Variants in FBXL3 observed in about 807,000 individuals in gnomAD.
FBXL3 encodes the protein F-box/LRR-repeat protein 3.
In FBXL3, 14 loss-of-function variants were observed where a neutral mutation model predicts 37.9. The observed-to-expected ratio is 0.37, with a 90% CI of 0.24 to 0.58. FBXL3 has a LOEUF of 0.58. Among genes scored for constraint, FBXL3 ranks in the 20% least tolerant of loss-of-function variants. FBXL3 has a pLI of 0.74. For synonymous variants in FBXL3, 194 were observed against 180.1 expected (o/e 1.08, Z -0.62); for missense variants, 327 against 511.1 (o/e 0.64, Z 3.47).
At chr13:77,012,624 A>T (rs2034574651) in intron 4 of FBXL3, among the ~76,000 whole-genome samples, 1 of 152,234 alleles carries the variant, frequency 6.6e-6, no homozygotes, top group African/African-American at 2.4e-5. Flanking sequence ...AAGAAAATTG[A>T]TTAAATGTTC....
At chr13:77,013,740 A>G (rs1271890692) in intron 4 of FBXL3, 1 of 152,170 alleles carries the variant, frequency 6.6e-6, no homozygotes. Flanking sequence ...AGTCTCCCAC[A>G]CAGCCGGCTC....
intron 3 of FBXL3, chr13:77,017,166 AAC>A (rs1336608798): frequency 6.6e-6 from 1 of 152,200 alleles, no homozygotes; most frequent in African/African-American, 2.4e-5. Flanking sequence ...AAAAAAGAAA[AAC>A]AGTTATTAAG....
chr13:77,021,711 A>G lies in FBXL3; in HGVS notation c.150T>C (p.Tyr50=). The change falls in exon 2 of 5, where the codon TAT becomes TAC. Residue 50 remains tyrosine, a synonymous_variant. Coordinates refer to ENST00000355619, the MANE Select transcript of FBXL3 (RefSeq NM_012158.4). ...CATGAGCCCGGTCAAGAAGAGGCAAATATTTAAATACTTGGAGAATAATGT... is the reference window on the plus strand; with the variant it reads ...CATGAGCCCGGTCAAGAAGAGGCAAGTATTTAAATACTTGGAGAATAATGT... ...LQDIILQVFK[Y]LPLLDRAHAS... is the part of the protein sequence containing the mutation. The G allele has an allele frequency of 1.2e-6, 2 of 1,614,020 alleles. No individual in the cohort carries two copies. The highest frequency in any genetic ancestry group is 1.3e-5 in the African/African-American group (1 of 75,026).
chr13:77,012,605 A>G (rs766982406), intron 4 of FBXL3, among the ~76,000 whole-genome samples: 13 of 152,246 alleles, frequency 8.5e-5, no homozygotes, highest in Non-Finnish European at 1.9e-4. Flanking sequence ...TAACAACTAT[A>G]GGAAATGAAA....
At chr13:77,018,466 T>A (rs1429629004) in intron 3 of FBXL3, 134 bp downstream of exon 3, 10 of 499,272 alleles carry the variant, frequency 2.0e-5, no homozygotes, top group South Asian at 8.5e-5. Context: ...TTTATTTTCA[T>A]CCTAAATAGT....
rs756860436 is a variant in FBXL3, at chr13:77,015,533, G to A, written c.519C>T (p.Ser173=). The A allele has an allele frequency of 3.1e-6, 5 of 1,602,288 alleles. No individual in the cohort carries two copies. The highest frequency in any genetic ancestry group is 4.3e-6 in the Non-Finnish European group (5 of 1,174,488). Residue 173 remains serine, a synonymous_variant, in exon 4 of 5, where the codon TCC becomes TCT. Coordinates refer to ENST00000355619, the MANE Select transcript of FBXL3 (RefSeq NM_012158.4). ...TATCATCTATCTTAAGCGAAGACAGGGATTTGGAGTTTACGAACACAACTG... is the reference window on the plus strand; with the variant it reads ...TATCATCTATCTTAAGCGAAGACAGAGATTTGGAGTTTACGAACACAACTG... ...ALTVVFVNSK[S]LSSLKIDDTP...
rs1230351207 is a variant in FBXL3, at chr13:77,015,639, G to A, written c.472-59C>T. ...TCAATTTTTAGAAATGAGAATCAAG[G>A]GGTTTCCTAGTACTACAGTTTATCT... On this transcript the variant is annotated intron_variant, in intron 3 of 4. Transcript: ENST00000355619. 31 of 1,179,004 alleles carry A rather than the reference G, an allele frequency of 2.6e-5. No homozygotes were observed. In the East Asian group the frequency reaches 8.7e-4, roughly 33 times the overall value. 73.0% of individuals were successfully genotyped at this position (1,179,004 alleles called of 1,614,324 possible).
At chr13:77,007,846 T>C in intron 4 of FBXL3, 58 bp from the exon 5 acceptor site, 1 of 1,446,010 alleles carries the variant, frequency 6.9e-7, no homozygotes, top group Admixed American at 2.4e-5. Flanking sequence ...TGTTGAAAAA[T>C]TCAATCAAGT....
chr13:77,017,373 T>C (rs897556199), intron 3 of FBXL3: 1 of 152,178 alleles, frequency 6.6e-6, no homozygotes, highest in East Asian at 1.9e-4. Flanking sequence ...CTATGGTAGG[T>C]ACACTAAAAA....
rs1398827827 is a variant in FBXL3, at chr13:77,006,932, G to A, written c.*213C>T. ...ATCCGAACCACATTAAAAAAAATTCGGAGATATGACTGCTATTACACTAAG... is the reference window on the plus strand; with the variant it reads ...ATCCGAACCACATTAAAAAAAATTCAGAGATATGACTGCTATTACACTAAG... On this transcript the variant is annotated 3_prime_UTR_variant, in exon 5 of 5. Transcript: ENST00000355619. 7.4e-6 allele frequency: 10 copies of A among 1,347,588 alleles called. No individual in the cohort carries two copies. The highest frequency in any genetic ancestry group is 2.1e-5 in the South Asian group (1 of 48,688). 83.5% of individuals were successfully genotyped at this position (1,347,588 alleles called of 1,614,324 possible). A position where few individuals can be genotyped will look rare whatever the true frequency, so the allele number is the denominator to read the frequency against.
At chr13:77,010,089 G>A (rs2794618) in intron 4 of FBXL3, 31,549 of 152,030 alleles carry the variant, frequency 0.21, 5,629 homozygotes, top group African/African-American at 0.48. Context: ...AACCTCACAC[G>A]CTGGTGCCTG....
chr13:77,018,604 G>A lies in FBXL3; in HGVS notation c.467C>T (p.Pro156Leu), dbSNP rs2034686196. 6.3e-7 allele frequency: 1 copy of A among 1,576,542 alleles called. No individual in the cohort carries two copies. The change falls in exon 3 of 5, where the codon CCA (proline) becomes CTA (leucine). Residue 156 changes from proline to leucine, a missense_variant. Coordinates refer to ENST00000355619, the MANE Select transcript of FBXL3 (RefSeq NM_012158.4). ...TAAAACAAAAACAGCAGATACCTTT[G>A]GTAAATCCATAAAGCTTGGTCGAGC... ...STARPSFMDLPKSHFISALTV... is the reference protein window; with the variant it reads ...STARPSFMDLLKSHFISALTV...
At chr13:77,009,334 T>C (rs1449149596) in intron 4 of FBXL3, 4 of 152,232 alleles carry the variant, frequency 2.6e-5, no homozygotes, top group Non-Finnish European at 4.4e-5. Context: ...GTATATACTT[T>C]ATTTTTGTTT....
In FBXL3 at chr13:77,021,691, G is replaced by A. The variant is rs747868204; in HGVS notation, c.170C>T (p.Ala57Val). ...VFKYLPLLDR[A>V]HASQVCRNWN... The stretch of plus-strand genomic sequence containing the variant: ...GTTGCGGCAAACTTGTGAAGCATGA[G>A]CCCGGTCAAGAAGAGGCAAATATTT... Residue 57 changes from alanine (A) to valine (V), a missense_variant, in exon 2 of 5, where the codon GCT becomes GTT. Physicochemically the swap from Ala to Val is moderately conservative, Grantham distance 64. Coordinates refer to ENST00000355619, the MANE Select transcript of FBXL3 (RefSeq NM_012158.4). 1 of 1,614,046 alleles carries A rather than the reference G, an allele frequency of 6.2e-7. No individual in the cohort carries two copies. Among genetic ancestry groups the A allele is most frequent in the African/African-American group, 1.3e-5 (1 of 74,998 alleles).
chr13:77,016,549 T>C (rs1229073279), intron 3 of FBXL3: 4 of 152,190 alleles, frequency 2.6e-5, no homozygotes, highest in Non-Finnish European at 5.9e-5. Context: ...ACTTTTTTTT[T>C]TTTTTGAGAC....
At chr13:77,021,458 G>A (rs189367655) in intron 2 of FBXL3, 55 bp downstream of exon 2, 28 of 1,352,750 alleles carry the variant, frequency 2.1e-5, no homozygotes, top group Non-Finnish European at 2.8e-5. Flanking sequence ...ACTGGTTTAG[G>A]AAACAAAGCC....
rs1361074190 is a variant in FBXL3 at position 77,006,804 on chromosome 13, T to C, written c.*341A>G. 9.6e-7 allele frequency: 1 copy of C among 1,036,870 alleles called. No individual in the cohort carries two copies. The highest frequency in any genetic ancestry group is 1.2e-6 in the Non-Finnish European group (1 of 858,694). 64.2% of individuals were successfully genotyped at this position (1,036,870 alleles called of 1,614,324 possible). ...TTTTTTTTTAAATGCATAGAGAATA[T>C]AACATTTCAGAAAACCTATTAGTAC... On this transcript the variant is annotated 3_prime_UTR_variant, in exon 5 of 5. Transcript: ENST00000355619.
chr13:77,009,588 TA>T (rs1214420667), intron 4 of FBXL3: 3 of 152,198 alleles, frequency 2.0e-5, no homozygotes, highest in Admixed American at 2.0e-4. Context: ...TGGCAATCAT[TA>T]AAAAGTCAGC....
intron 1 of FBXL3, among the ~76,000 whole-genome samples, chr13:77,026,598 G>A (rs543937386): frequency 7.2e-5 from 11 of 152,110 alleles, no homozygotes; most frequent in African/African-American, 2.6e-4. Flanking sequence ...ACCACGCCTT[G>A]TTGACATGTT....
Sources: allele counts gnomAD v4.1 joint callset (sites outside exome capture counted in the v4.1 genomes callset), GRCh38; gene constraint gnomAD v4.1.1; transcripts MANE v1.5; gene names NCBI Gene and HGNC (gene_info 2026-07-23, HGNC 2026-07-21).